Variants in ACBD6 observed in about 807,000 individuals in gnomAD.
ACBD6 encodes the protein acyl-CoA-binding domain-containing protein 6.
A neutral mutation model predicts 37.2 loss-of-function variants in ACBD6; 28 were observed. That is an observed-to-expected ratio of 0.75 (90% CI 0.56 to 1.03). ACBD6 has a LOEUF of 1.03. ACBD6 is among the 50% of genes least tolerant of loss of function. The pLI, the probability that ACBD6 is intolerant of heterozygous loss-of-function variation, is 0.00. For synonymous variants in ACBD6, 113 were observed against 126.8 expected, an observed-to-expected ratio of 0.89 and a Z score of 0.73; for missense variants, 340 against 337.4, an observed-to-expected ratio of 1.01 and a Z score of -0.06.
At chr1:180,403,046 G>A (rs966629274) in intron 5 of ACBD6, among the ~76,000 whole-genome samples, 1 of 152,154 alleles carries the variant, frequency 6.6e-6, no homozygotes, top group African/African-American at 2.4e-5. Context: ...ATATGGATGA[G>A]TCTCAAAAAC....
chr1:180,347,692 C>T (rs1048690868), intron 6 of ACBD6, among the ~76,000 whole-genome samples: 1 of 152,124 alleles, frequency 6.6e-6, no homozygotes, highest in African/African-American at 2.4e-5. Context: ...AGGTTCTAGG[C>T]CGGGTGCGGT....
intron 3 of ACBD6, among the ~76,000 whole-genome samples, chr1:180,431,055 A>G (rs1648793168): frequency 6.6e-6 from 1 of 152,168 alleles, no homozygotes; most frequent in South Asian, 2.1e-4. Context: ...TCAAAATTAC[A>G]TTATTATTTA....
At position 180,305,871 on chromosome 1, in the gene ACBD6, A is replaced by C. The variant is rs1358528570; in HGVS notation, c.694+8821T>G. Among the ~76,000 whole-genome samples the C allele has an allele frequency of 2.6e-5, 4 of 151,994 alleles. No individual in the cohort carries two copies. The South Asian group carries it at 6.2e-4, about 24-fold the overall frequency. On this transcript the variant is annotated intron_variant, in intron 7 of 7. Transcript: ENST00000367595. ...CCAACCCAAATGTGCAACGATAGAC[A>C]GGATTAAGAAAATGTGGCACATATA...
chr1:180,290,284 G>T (rs1459010713), intron 7 of ACBD6, among the ~76,000 whole-genome samples: 2 of 152,098 alleles, frequency 1.3e-5, no homozygotes, highest in African/African-American at 2.4e-5. Flanking sequence ...GACCTTCTGG[G>T]CTCAAGCAAA....
chr1:180,411,550 T>C (rs781623042), intron 5 of ACBD6, among the ~76,000 whole-genome samples: 10 of 152,228 alleles, frequency 6.6e-5, no homozygotes, highest in Non-Finnish European at 1.3e-4. Flanking sequence ...AAGCCAAGTC[T>C]GATGATTGTC....
Position 180,281,914 on chromosome 1 carries a change from T to C in ACBD6, c.*94-528A>G, listed in dbSNP as rs80232035. On this transcript the variant is annotated intron_variant, in intron 8 of 13. Coordinates refer to the ACBD6 transcript ENST00000642319. ...TGATCAGCTCCTGCCCGGGGAAGAGTATATCACATCCTCTCAGAGAAAGCA... is the reference window on the plus strand; with the variant it reads ...TGATCAGCTCCTGCCCGGGGAAGAGCATATCACATCCTCTCAGAGAAAGCA... Among the ~76,000 whole-genome samples, 410 of 152,186 alleles carry C rather than the reference T, an allele frequency of 2.7e-3. 2 individuals are homozygous for C. Among genetic ancestry groups the C allele is most frequent in the African/African-American group, 9.5e-3 (396 of 41,510 alleles).
chr1:180,498,492 A>G (rs1427016105), intron 1 of ACBD6, among the ~76,000 whole-genome samples: 3 of 152,260 alleles, frequency 2.0e-5, no homozygotes, highest in African/African-American at 4.8e-5. Flanking sequence ...AGTATGCAGC[A>G]GAAGTACTTT....
chr1:180,394,281 G>A (rs1354150260), intron 6 of ACBD6, among the ~76,000 whole-genome samples: 1 of 151,866 alleles, frequency 6.6e-6, no homozygotes, highest in African/African-American at 2.4e-5. Context: ...GTGGAGATGG[G>A]GTCTCACTAT....
At chr1:180,314,651 ATGT>A in intron 7 of ACBD6, 38 bp downstream of exon 7, 1 of 1,441,744 alleles carries the variant, frequency 6.9e-7, no homozygotes, top group South Asian at 1.1e-5. Context: ...AATAGAGAAT[ATGT>A]TCAAATATGA....
At chr1:180,478,180 A>G (rs1650876496) in intron 3 of ACBD6, among the ~76,000 whole-genome samples, 1 of 152,144 alleles carries the variant, frequency 6.6e-6, no homozygotes. Flanking sequence ...TAATAAGATT[A>G]TCTTTATTGA....
chr1:180,274,660 A>T, exon 10 of ACBD6: 1 of 1,439,546 alleles, frequency 6.9e-7, no homozygotes, highest in Non-Finnish European at 9.3e-7. Context: ...CCTTTTAAGG[A>T]TCGAAAGTAC....
intron 1 of ACBD6, among the ~76,000 whole-genome samples, chr1:180,500,465 G>GT (rs1651917101): frequency 6.6e-6 from 1 of 151,686 alleles, no homozygotes; most frequent in Non-Finnish European, 1.5e-5. Context: ...GGCCAAGGCA[G>GT]GCAGATCACC....
intron 3 of ACBD6, among the ~76,000 whole-genome samples, chr1:180,441,235 G>A (rs994763655): frequency 2.0e-5 from 3 of 152,042 alleles, no homozygotes; most frequent in African/African-American, 7.2e-5. Flanking sequence ...CACCCTACTG[G>A]GTATGAAGTG....
At chr1:180,366,264 G>T (rs1653051055) in intron 6 of ACBD6, among the ~76,000 whole-genome samples, 1 of 152,118 alleles carries the variant, frequency 6.6e-6, no homozygotes. Flanking sequence ...AAGAATTACA[G>T]AATTAATTCA....
chr1:180,375,912 G>T (rs529310861), intron 6 of ACBD6, among the ~76,000 whole-genome samples: 28 of 151,974 alleles, frequency 1.8e-4, no homozygotes, highest in Admixed American at 3.9e-4. Flanking sequence ...AACAAAAATG[G>T]GCGAAAATAT....
At chr1:180,479,803 C>A (rs1650952777) in intron 3 of ACBD6, among the ~76,000 whole-genome samples, 1 of 151,958 alleles carries the variant, frequency 6.6e-6, no homozygotes, top group Admixed American at 6.6e-5. Flanking sequence ...GCCTGGGCAA[C>A]ATGGCGAAAC....
chr1:180,339,832 C>T (rs971436952), intron 6 of ACBD6, among the ~76,000 whole-genome samples: 9 of 151,304 alleles, frequency 5.9e-5, no homozygotes, highest in East Asian at 1.9e-4. Flanking sequence ...GATGATGGTA[C>T]GTGCTACAGA....
chr1:180,345,284 A>G (rs527327431), intron 6 of ACBD6, among the ~76,000 whole-genome samples: 1 of 152,320 alleles, frequency 6.6e-6, no homozygotes, highest in South Asian at 2.1e-4. Flanking sequence ...TCCAGGAAAT[A>G]ATTATTTTCA....
At chr1:180,372,730 A>G (rs141808829) in intron 6 of ACBD6, among the ~76,000 whole-genome samples, 5 of 152,300 alleles carry the variant, frequency 3.3e-5, no homozygotes, top group East Asian at 3.9e-4. Context: ...TAGTGCTTCC[A>G]TAAGATTTTC....
Sources: allele counts gnomAD v4.1 joint callset (sites outside exome capture counted in the v4.1 genomes callset), GRCh38; gene constraint gnomAD v4.1.1; transcripts MANE v1.5; gene names NCBI Gene and HGNC (gene_info 2026-07-23, HGNC 2026-07-21).